SRD5A2: variants seen among roughly 807,000 people sequenced by gnomAD.
SRD5A2 encodes the protein steroid 5 alpha-reductase 2.
In SRD5A2, 30 loss-of-function variants were observed where a neutral mutation model predicts 27.4. That is an observed-to-expected ratio of 1.10 (90% confidence interval 0.82 to 1.49). The LOEUF is 1.49. SRD5A2 is among the 40% of genes most tolerant of loss of function. The probability of loss-of-function intolerance (pLI) is 0.00; values close to 1 mark genes in which losing one functional copy is unlikely to be tolerated. For missense variants in SRD5A2, 348 were observed against 323.4 expected (o/e 1.08, Z -0.58); for synonymous variants, 141 against 133.6 (o/e 1.06, Z -0.38).
intron 1 of SRD5A2, among the ~76,000 whole-genome samples, chr2:31,565,062 A>T (rs951947130): frequency 6.6e-6 from 1 of 151,976 alleles, no homozygotes; most frequent in South Asian, 2.1e-4. Flanking sequence ...CAACAATAAC[A>T]TAAGGGCAAG....
intron 1 of SRD5A2, among the ~76,000 whole-genome samples, chr2:31,566,872 T>C (rs1346034746): frequency 6.6e-6 from 1 of 152,200 alleles, no homozygotes; most frequent in Non-Finnish European, 1.5e-5. Flanking sequence ...ACTTTAATAA[T>C]ACTAAAAGGA....
At chr2:31,550,403 A>C (rs189159934) in intron 1 of SRD5A2, among the ~76,000 whole-genome samples, 1 of 151,980 alleles carries the variant, frequency 6.6e-6, no homozygotes, top group Admixed American at 6.5e-5. Context: ...AATCCAAAAA[A>C]AAAAAAGGTA....
the SRD5A2 span, among the ~76,000 whole-genome samples, chr2:31,621,440 C>A: frequency 6.6e-6 from 1 of 151,968 alleles, no homozygotes; most frequent in Non-Finnish European, 1.5e-5. Context: ...ATATTTTGTT[C>A]ATATTTATTG....
chr2:31,546,658 G>A (rs1666268360), intron 1 of SRD5A2, among the ~76,000 whole-genome samples: 1 of 152,154 alleles, frequency 6.6e-6, no homozygotes. Context: ...GTGAGAGGGG[G>A]CTAAGGGCTG....
the SRD5A2 span, among the ~76,000 whole-genome samples, chr2:31,646,285 A>G: frequency 1.3e-5 from 2 of 152,164 alleles, no homozygotes; most frequent in Admixed American, 6.5e-5. Context: ...GAAACTCATC[A>G]TTAATTATTA....
the SRD5A2 span, among the ~76,000 whole-genome samples, chr2:31,590,561 C>A: frequency 6.6e-6 from 1 of 152,180 alleles, no homozygotes; most frequent in Middle Eastern, 3.4e-3. Context: ...ACTTTCTTCA[C>A]AGAACTGGAA....
chr2:31,635,213 T>G, the SRD5A2 span, among the ~76,000 whole-genome samples: 1 of 152,128 alleles, frequency 6.6e-6, no homozygotes, highest in Admixed American at 6.5e-5. Context: ...TTATTGTTAT[T>G]GCCACTTTTT....
chr2:31,605,805 C>A, the SRD5A2 span, among the ~76,000 whole-genome samples: 144 of 151,258 alleles, frequency 9.5e-4, no homozygotes, highest in African/African-American at 3.2e-3. Flanking sequence ...GGGTACATAC[C>A]CAAAAGAAAG....
chr2:31,607,228 T>C, the SRD5A2 span, among the ~76,000 whole-genome samples: 1 of 151,896 alleles, frequency 6.6e-6, no homozygotes, highest in East Asian at 1.9e-4. Flanking sequence ...ATTAAAAAGT[T>C]TGCAAGGAAA....
chr2:31,607,631 A>C, the SRD5A2 span, among the ~76,000 whole-genome samples: 1 of 152,092 alleles, frequency 6.6e-6, no homozygotes, highest in East Asian at 1.9e-4. Context: ...TAAATGTTAA[A>C]GTTCTTCTGG....
chr2:31,585,632 G>A (rs966355061), upstream of SRD5A2, among the ~76,000 whole-genome samples: 2 of 152,134 alleles, frequency 1.3e-5, no homozygotes, highest in Non-Finnish European at 2.9e-5. Context: ...AAGCCCTTTG[G>A]CTCTGAATAA....
chr2:31,623,076 C>T, the SRD5A2 span, among the ~76,000 whole-genome samples: 2 of 151,994 alleles, frequency 1.3e-5, no homozygotes, highest in Non-Finnish European at 2.9e-5. Context: ...CTTCTGATTG[C>T]CGGCCACTAT....
intron 1 of SRD5A2, among the ~76,000 whole-genome samples, chr2:31,546,620 G>A (rs1020343130): frequency 6.6e-6 from 1 of 152,080 alleles, no homozygotes. Flanking sequence ...AAAAAGAACA[G>A]ACACTGGGGA....
chr2:31,624,551 C>A, the SRD5A2 span, among the ~76,000 whole-genome samples: 2 of 152,034 alleles, frequency 1.3e-5, no homozygotes, highest in African/African-American at 2.4e-5. Flanking sequence ...TGTTCCCCAC[C>A]CTGTGTCTAA....
chr2:31,530,483 G>A (rs1042246806), intron 3 of SRD5A2, among the ~76,000 whole-genome samples: 16 of 152,068 alleles, frequency 1.1e-4, no homozygotes, highest in African/African-American at 3.6e-4. Flanking sequence ...GACAGTAAAC[G>A]GCACATCTTA....
rs1667063572 is a variant in SRD5A2 at position 31,580,743 on chromosome 2, C to T, written c.158G>A (p.Trp53Ter). 1.2e-6 allele frequency: 2 copies of T among 1,609,738 alleles called. No homozygotes were observed. Among genetic ancestry groups the T allele is most frequent in the Non-Finnish European group, 1.7e-6 (2 of 1,179,600 alleles). ...AATRLPARAA[W>*]FLQELPSFAV... ...GAAGGAAGGCAGCTCCTGCAGGAAC[C>T]AGGCGGCGCGGGCTGGCAGGCGGGT... is the stretch of plus-strand genomic sequence containing the variant. Residue 53 changes from tryptophan to a stop codon, truncating the protein, a stop_gained, in exon 1 of 5, where the codon TGG becomes TAG. Coordinates refer to ENST00000622030, the MANE Select transcript of SRD5A2 (RefSeq NM_000348.4). LOFTEE classifies it high-confidence loss of function.
chr2:31,590,346 A>C, the SRD5A2 span, among the ~76,000 whole-genome samples: 1 of 152,100 alleles, frequency 6.6e-6, no homozygotes, highest in Non-Finnish European at 1.5e-5. Context: ...ATCCTCTTTT[A>C]TTTCACTGAG....
At chr2:31,628,788 AG>A in the SRD5A2 span, among the ~76,000 whole-genome samples, 2 of 152,068 alleles carry the variant, frequency 1.3e-5, no homozygotes, top group Admixed American at 1.3e-4. Flanking sequence ...TCTGGCTTGT[AG>A]GGTTTCTGCT....
chr2:31,649,253 C>T, the SRD5A2 span, among the ~76,000 whole-genome samples: 1 of 152,130 alleles, frequency 6.6e-6, no homozygotes, highest in Non-Finnish European at 1.5e-5. Flanking sequence ...TTTAGCTGCA[C>T]TTCATGAGAG....
Sources: gnomAD v4.1 joint callset for allele counts (sites outside exome capture counted in the v4.1 genomes callset) on GRCh38, gnomAD v4.1.1 for gene constraint, MANE v1.5 for transcripts, NCBI Gene and HGNC (gene_info 2026-07-23, HGNC 2026-07-21) for gene names.